The following SH3GL2 variants were observed in gnomAD, a reference collection of about 807,000 sequenced individuals.
SH3GL2 encodes the protein SH3 domain containing GRB2 like 2, endophilin A1.
A neutral mutation model predicts 46.0 loss-of-function variants in SH3GL2; 24 were observed. The ratio of observed to expected loss-of-function variants is 0.52; its 90% CI spans 0.38 to 0.73. The LOEUF (loss-of-function observed/expected upper bound fraction) is 0.73, where lower values mean the gene tolerates loss of function less well. Among genes scored for constraint, SH3GL2 ranks in the 30% least tolerant of loss-of-function variants. SH3GL2 has a pLI of 0.00. For missense variants in SH3GL2, 413 were observed against 424.2 expected, an observed-to-expected ratio of 0.97 and a Z score of 0.23; for synonymous variants, 196 against 147.1, an observed-to-expected ratio of 1.33 and a Z score of -2.40.
intron 1 of SH3GL2, chr9:17,735,952 G>A (rs1822321904): frequency 6.5e-6 from 1 of 154,760 alleles, no homozygotes; most frequent in Admixed American, 6.6e-5. Context: ...AAGAAAGCAA[G>A]CCAGGAATTT....
At chr9:17,702,066 G>T (rs965140722) in intron 1 of SH3GL2, among the ~76,000 whole-genome samples, 23 of 152,122 alleles carry the variant, frequency 1.5e-4, no homozygotes, top group African/African-American at 5.5e-4. Flanking sequence ...ATTTAACATA[G>T]TGTATTACTA....
chr9:17,754,134 T>C (rs1312047912), intron 2 of SH3GL2, among the ~76,000 whole-genome samples: 1 of 152,218 alleles, frequency 6.6e-6, no homozygotes, highest in Non-Finnish European at 1.5e-5. Flanking sequence ...CTTCGTTCTT[T>C]TTGCATAGGA....
At chr9:17,791,475 T>C in intron 7 of SH3GL2, 141 bp downstream of exon 7, 1 of 630,918 alleles carries the variant, frequency 1.6e-6, no homozygotes, top group Non-Finnish European at 2.9e-6. Flanking sequence ...TTGTGGATTG[T>C]TTTGATTTTG....
At chr9:17,746,108 G>A (rs971979665) in intron 1 of SH3GL2, among the ~76,000 whole-genome samples, 2 of 152,050 alleles carry the variant, frequency 1.3e-5, no homozygotes, top group Non-Finnish European at 2.9e-5. Flanking sequence ...ACAGAGTCTC[G>A]CTGTCGCCCA....
Position 17,622,992 on chromosome 9 carries a change from T to TTTCCTTTCCG in SH3GL2, c.45+43714_45+43715insGTTCCTTTCC, listed in dbSNP as rs1563786443. On this transcript the variant is annotated intron_variant, in intron 1 of 8. Coordinates refer to ENST00000380607, the MANE Select transcript of SH3GL2 (RefSeq NM_003026.5). ...TTTCCTTTCGTTTCCTTTCGTTTCCTTTCCTTTCCTTTCCTTTCCTTTCCT... is the reference window on the plus strand; with the variant it reads ...TTTCCTTTCGTTTCCTTTCGTTTCCTTTCCTTTCCGTTCCTTTCCTTTCCTTTCCTTTCCT... 5.2e-3 allele frequency among the ~76,000 whole-genome samples: 339 copies of TTTCCTTTCCG among 65,328 alleles called. 14 individuals are homozygous for TTTCCTTTCCG. Among genetic ancestry groups the TTTCCTTTCCG allele is most frequent in the African/African-American group, 7.9e-3 (130 of 16,390 alleles). The allele number at this position is 65,328 out of a possible 152,430, so 42.9% of individuals were successfully genotyped here.
chr9:17,738,440 C>G (rs1377558216), intron 1 of SH3GL2, among the ~76,000 whole-genome samples: 3 of 139,482 alleles, frequency 2.2e-5, no homozygotes, highest in African/African-American at 7.7e-5. Flanking sequence ...TCCAGAGAAA[C>G]AGAATGGTGA....
chr9:17,722,913 TTATC>T (rs1189284295), intron 1 of SH3GL2, among the ~76,000 whole-genome samples: 1 of 152,130 alleles, frequency 6.6e-6, no homozygotes, highest in Non-Finnish European at 1.5e-5. Context: ...TGTCAGCTCA[TTATC>T]TCAGCTTCAC....
Position 17,747,145 on chromosome 9 carries a change from A to T in SH3GL2, c.114+11A>T. ...AAAGAGATGGAAAGGGTAAGCCTTC[A>T]CTACTGCCTAGTGTTCCCTTTGACA... is the stretch of plus-strand genomic sequence containing the variant. On this transcript the variant is annotated intron_variant, in intron 2 of 8. Transcript: ENST00000380607. 6 of 1,565,612 alleles carry T rather than the reference A, an allele frequency of 3.8e-6. No individual in the cohort carries two copies. Among genetic ancestry groups the T allele is most frequent in the Non-Finnish European group, 5.3e-6 (6 of 1,138,332 alleles).
chr9:17,751,939 G>A (rs10448159), intron 2 of SH3GL2, among the ~76,000 whole-genome samples: 25,583 of 152,114 alleles, frequency 0.17, 2,670 homozygotes, highest in Middle Eastern at 0.28. Flanking sequence ...CTGAAATTCA[G>A]TGATGACAAG....
At chr9:17,794,586 C>A (rs1423254444) in intron 8 of SH3GL2, among the ~76,000 whole-genome samples, 4 of 152,110 alleles carry the variant, frequency 2.6e-5, no homozygotes, top group South Asian at 4.1e-4. Context: ...GCTTCTTTCT[C>A]TAAATAAAAA....
intron 1 of SH3GL2, among the ~76,000 whole-genome samples, chr9:17,672,129 A>G (rs1332255376): frequency 1.3e-5 from 2 of 152,208 alleles, no homozygotes; most frequent in African/African-American, 4.8e-5. Context: ...TGAGGTAAAT[A>G]CAATTGTTTA....
intron 1 of SH3GL2, among the ~76,000 whole-genome samples, chr9:17,699,930 G>T (rs1821304914): frequency 6.6e-6 from 1 of 152,146 alleles, no homozygotes; most frequent in African/African-American, 2.4e-5. Context: ...GTATCAAAAG[G>T]TTTACCTGTT....
chr9:17,691,349 C>T (rs1298297120), intron 1 of SH3GL2, among the ~76,000 whole-genome samples: 1 of 152,100 alleles, frequency 6.6e-6, no homozygotes, highest in Non-Finnish European at 1.5e-5. Flanking sequence ...TCAATAAAAA[C>T]ATTGGAAAGA....
chr9:17,695,011 A>G (rs1821168975), intron 1 of SH3GL2, among the ~76,000 whole-genome samples: 1 of 152,176 alleles, frequency 6.6e-6, no homozygotes, highest in African/African-American at 2.4e-5. Context: ...TGAATAAATC[A>G]TTATGAAAGA....
intron 1 of SH3GL2, among the ~76,000 whole-genome samples, chr9:17,723,615 A>G (rs1821949534): frequency 6.6e-6 from 1 of 152,170 alleles, no homozygotes; most frequent in African/African-American, 2.4e-5. Flanking sequence ...TCGGTTTCAG[A>G]TAAAGTCTTT....
At chr9:17,708,933 G>A (rs113603085) in intron 1 of SH3GL2, among the ~76,000 whole-genome samples, 22 of 152,072 alleles carry the variant, frequency 1.4e-4, no homozygotes, top group Middle Eastern at 3.4e-3. Context: ...TCCATTTCCA[G>A]CATCAATGTT....
chr9:17,685,627 A>T (rs975023629), intron 1 of SH3GL2, among the ~76,000 whole-genome samples: 6 of 152,020 alleles, frequency 3.9e-5, no homozygotes, highest in Non-Finnish European at 8.8e-5. Flanking sequence ...TTTTTGTATA[A>T]GGTGTGAGGA....
chr9:17,644,903 G>A (rs1307950472), intron 1 of SH3GL2, among the ~76,000 whole-genome samples: 1 of 149,700 alleles, frequency 6.7e-6, no homozygotes, highest in Non-Finnish European at 1.5e-5. Context: ...TCGTTGATCT[G>A]TCTAATATTG....
chr9:17,723,779 G>T (rs975963283), intron 1 of SH3GL2, among the ~76,000 whole-genome samples: 2 of 152,028 alleles, frequency 1.3e-5, no homozygotes, highest in African/African-American at 4.8e-5. Context: ...GAGTGAAAAG[G>T]TACATGCCTT....
Sources: allele counts gnomAD v4.1 joint callset (sites outside exome capture counted in the v4.1 genomes callset), GRCh38; gene constraint gnomAD v4.1.1; transcripts MANE v1.5; gene names NCBI Gene and HGNC (gene_info 2026-07-23, HGNC 2026-07-21).